Variants in DOCK11 observed in about 807,000 individuals in gnomAD.
DOCK11 encodes the protein dedicator of cytokinesis protein 11.
In DOCK11, 70 loss-of-function variants were observed where a neutral mutation model predicts 169.1. That is an observed-to-expected ratio of 0.41 (90% CI 0.34 to 0.51). The LOEUF is 0.51. Among genes scored for constraint, DOCK11 ranks in the 20% least tolerant of loss-of-function variants. The pLI, the probability that DOCK11 is intolerant of heterozygous loss-of-function variation, is 0.10. For synonymous variants in DOCK11, 529 were observed against 541.3 expected, an observed-to-expected ratio of 0.98 and a Z score of 0.32; for missense variants, 1,166 against 1,538.8, an observed-to-expected ratio of 0.76 and a Z score of 4.05.
chrX:118,534,353 T>C (rs892577519), intron 1 of DOCK11, among the ~76,000 whole-genome samples: 9 of 112,290 alleles, frequency 8.0e-5, no homozygotes, highest in Non-Finnish European at 1.7e-4. Context: ...GTTAATAGAG[T>C]GTGCACTAAT....
At chrX:118,672,939 C>G (rs1332741634) in intron 46 of DOCK11, among the ~76,000 whole-genome samples, 1 of 112,121 alleles carries the variant, frequency 8.9e-6, no homozygotes, top group Non-Finnish European at 1.9e-5. Context: ...TGCCTGAAAA[C>G]TCATAGTAGA....
At chrX:118,679,510 G>C (rs2016689517) in intron 48 of DOCK11, among the ~76,000 whole-genome samples, 1 of 111,622 alleles carries the variant, frequency 9.0e-6, no homozygotes, top group African/African-American at 3.3e-5. Flanking sequence ...GGCTGAGGCA[G>C]GAGGATCACT....
rs199603015 is a variant in DOCK11, at chrX:118,545,246, ATTG to A, written c.393-72_393-70del. ...TCTTGCTTTTACTGTTGTTGTCATT[ATTG>A]TTGTGTTTTTGTGTTGTTTTTCTTT... On this transcript the variant is annotated intron_variant, in intron 4 of 52. Coordinates refer to ENST00000276202, the MANE Select transcript of DOCK11 (RefSeq NM_144658.4). 5,621 of 677,379 alleles carry A rather than the reference ATTG, an allele frequency of 8.3e-3. 95 individuals carry two copies. The highest frequency in any genetic ancestry group is 0.071 in the East Asian group (1,864 of 26,419). 55.8% of individuals were successfully genotyped at this position (677,379 alleles called of 1,213,427 possible). A position where few individuals can be genotyped will look rare whatever the true frequency, so the allele number is the denominator to read the frequency against.
rs750787255 is a variant in DOCK11 at position 118,628,434 on chromosome X, C to A, written c.3774+162C>A. Among the ~76,000 whole-genome samples the A allele has an allele frequency of 6.9e-4, 78 of 112,328 alleles. 1 individual carries two copies. Among genetic ancestry groups the A allele is most frequent in the African/African-American group, 2.5e-3 (76 of 31,002 alleles). On this transcript the variant is annotated intron_variant, in intron 34 of 52. Coordinates refer to ENST00000276202, the MANE Select transcript of DOCK11 (RefSeq NM_144658.4). ...TTTTAGCAGTATCTTCCTATAGTGGCAGCTGCTACTTCAATGTCTTAAACT... is the reference window on the plus strand; with the variant it reads ...TTTTAGCAGTATCTTCCTATAGTGGAAGCTGCTACTTCAATGTCTTAAACT...
chrX:118,593,314 A>G lies in DOCK11; in HGVS notation c.2240A>G (p.Lys747Arg). The G allele has an allele frequency of 8.3e-7, 1 of 1,203,349 alleles. No homozygotes were observed. Among genetic ancestry groups the G allele is most frequent in the Non-Finnish European group, 1.1e-6 (1 of 892,787 alleles). The change falls in exon 20 of 53, where the codon AAG becomes AGG. Residue 747 changes from lysine to arginine, a missense_variant. By Grantham distance (26) the Lys-to-Arg change is conservative. Transcript: ENST00000276202. ...ATTAACACAAAGGGAACAACCAAAA[A>G]GCAAGACACAGTTGAAACTCCAGGT... ...CEINTKGTTKKQDTVETPVGF... is the reference protein window; with the variant it reads ...CEINTKGTTKRQDTVETPVGF...
chrX:118,573,825 A>G lies in DOCK11; in HGVS notation c.1196A>G (p.Asn399Ser), dbSNP rs371030633. The change falls in exon 12 of 53, where the codon AAT becomes AGT. Residue 399 changes from asparagine (N) to serine (S), a missense_variant. Transcript: ENST00000276202. The part of the protein sequence containing the change: ...PPTNVEPFFI[N>S]LALFDVKNNC... Reference sequence around the variant, plus strand: ...TCCCAGGTTGAGCCCTTTTTTATCAATCTTGCCTTATTTGATGTAAAGAAC... The same window carrying G: ...TCCCAGGTTGAGCCCTTTTTTATCAGTCTTGCCTTATTTGATGTAAAGAAC... The G allele has an allele frequency of 1.3e-4, 156 of 1,206,885 alleles. 1 individual carries two copies. The South Asian group carries it at 1.7e-3, about 13-fold the overall frequency.
At chrX:118,524,210 G>A (rs1387699479) in intron 1 of DOCK11, among the ~76,000 whole-genome samples, 3 of 111,691 alleles carry the variant, frequency 2.7e-5, no homozygotes, top group East Asian at 2.8e-4. Flanking sequence ...GTTGGGGGAC[G>A]ATTGATGAGT....
intron 9 of DOCK11, 42 bp downstream of exon 9, chrX:118,566,695 G>A: frequency 9.2e-7 from 1 of 1,089,949 alleles, no homozygotes; most frequent in Non-Finnish European, 1.3e-6. Flanking sequence ...CTGAGATAAT[G>A]CAGGATTAGC....
At chrX:118,607,209 G>A (rs182542864) in intron 24 of DOCK11, among the ~76,000 whole-genome samples, 169 of 96,586 alleles carry the variant, frequency 1.7e-3, no homozygotes, top group African/African-American at 6.4e-3. Flanking sequence ...TCTGCCTCCT[G>A]GGGTTCAAGC....
chrX:118,657,915 C>G (rs2147553265), intron 44 of DOCK11, among the ~76,000 whole-genome samples: 1 of 111,015 alleles, frequency 9.0e-6, no homozygotes, highest in African/African-American at 3.3e-5. Context: ...GAAATTACTG[C>G]TAAAGGACTT....
intron 20 of DOCK11, 118 bp from the exon 21 acceptor site, chrX:118,597,313 T>G (rs1431033679): frequency 1.1e-6 from 1 of 949,736 alleles, no homozygotes; most frequent in East Asian, 3.2e-5. Flanking sequence ...GCACCTGAAC[T>G]CCCACATACA....
At chrX:118,647,120 G>A (rs1406275357) in intron 40 of DOCK11, among the ~76,000 whole-genome samples, 4 of 101,729 alleles carry the variant, frequency 3.9e-5, no homozygotes, top group Non-Finnish European at 8.0e-5. Context: ...TTAACTATCA[G>A]TGTTTATGTG....
chrX:118,628,894 A>G (rs1038873809), intron 34 of DOCK11, among the ~76,000 whole-genome samples: 1 of 112,361 alleles, frequency 8.9e-6, no homozygotes, highest in Non-Finnish European at 1.9e-5. Context: ...ATAAATTCCA[A>G]CTCTCAATTT....
At chrX:118,597,582 T>C (rs747009901) in intron 21 of DOCK11, 30 bp downstream of exon 21, 231 of 1,204,739 alleles carry the variant, frequency 1.9e-4, no homozygotes, top group Non-Finnish European at 2.4e-4. Flanking sequence ...GTTGAAGTAA[T>C]CATGATTAAA....
At chrX:118,680,911 C>T in intron 49 of DOCK11, 147 bp from the exon 50 acceptor site, 1 of 585,192 alleles carries the variant, frequency 1.7e-6, no homozygotes, top group Non-Finnish European at 2.6e-6. Context: ...GAATTTCTCT[C>T]TGAATCCTGA....
chrX:118,563,151 A>C, intron 7 of DOCK11, among the ~76,000 whole-genome samples: 1 of 112,366 alleles, frequency 8.9e-6, no homozygotes, highest in Admixed American at 9.5e-5. Context: ...GACTAGAAGA[A>C]CAATGGGCTG....
intron 1 of DOCK11, among the ~76,000 whole-genome samples, chrX:118,524,143 G>A (rs2011321188): frequency 9.0e-6 from 1 of 111,677 alleles, no homozygotes; most frequent in Non-Finnish European, 1.9e-5. Flanking sequence ...TTTCCTTTCT[G>A]TGACTGTCAT....
chrX:118,672,587 C>T (rs993374510), intron 46 of DOCK11, among the ~76,000 whole-genome samples: 10 of 112,158 alleles, frequency 8.9e-5, no homozygotes, highest in South Asian at 3.7e-4. Flanking sequence ...CGCCCGCCAC[C>T]GCGCCCGACT....
In DOCK11 at chrX:118,636,391, TA is replaced by T; in HGVS notation, c.3935del (p.Asn1312ThrfsTer6). 9.4e-7 allele frequency: 1 copy of T among 1,066,877 alleles called. No homozygotes were observed. Among genetic ancestry groups the T allele is most frequent in the South Asian group, 2.1e-5 (1 of 46,828 alleles). 87.9% of individuals were successfully genotyped at this position (1,066,877 alleles called of 1,213,427 possible). On this transcript the variant is annotated frameshift_variant, in exon 36 of 53. Transcript: ENST00000276202. LOFTEE classifies it high-confidence loss of function. Reference sequence around the variant, plus strand: ...AATAAAGTATCACCTCAGGAGCTCATAAACATTCTTATACTTTTAGAGTAAG... The same window carrying T: ...AATAAAGTATCACCTCAGGAGCTCATAACATTCTTATACTTTTAGAGTAAG... ...YWNKVSPQEL[I>X]NILILLEVCL...
Sources: gnomAD v4.1 joint callset for allele counts (sites outside exome capture counted in the v4.1 genomes callset) on GRCh38, gnomAD v4.1.1 for gene constraint, MANE v1.5 for transcripts, NCBI Gene and HGNC (gene_info 2026-07-23, HGNC 2026-07-21) for gene names.